The following ARHGAP15 variants were observed in gnomAD, a reference collection of about 807,000 sequenced individuals.
The protein encoded by ARHGAP15 is rho GTPase-activating protein 15.
A neutral mutation model predicts 63.7 loss-of-function variants in ARHGAP15; 51 were observed. The ratio of observed to expected loss-of-function variants is 0.80; its 90% CI spans 0.64 to 1.01. ARHGAP15 has a LOEUF of 1.01. ARHGAP15 is among the 50% of genes least tolerant of loss of function. The pLI is 0.00. For missense variants in ARHGAP15, 560 were observed against 564.6 expected (o/e 0.99, Z 0.08); for synonymous variants, 191 against 193.8 (o/e 0.99, Z 0.12).
At chr2:143,435,563 T>C (rs747782755) in intron 6 of ARHGAP15, 38 bp from the exon 7 acceptor site, 20 of 1,519,654 alleles carry the variant, frequency 1.3e-5, no homozygotes, top group Non-Finnish European at 1.7e-5. Flanking sequence ...ATAGTTTCTT[T>C]ACCTGTCTAT....
intron 11 of ARHGAP15, among the ~76,000 whole-genome samples, chr2:143,584,265 G>C (rs1697020258): frequency 1.3e-5 from 2 of 152,170 alleles, no homozygotes; most frequent in Non-Finnish European, 1.5e-5. Context: ...CATTCTGGCA[G>C]ACTTAAAACT....
intron 6 of ARHGAP15, among the ~76,000 whole-genome samples, chr2:143,339,461 GT>G (rs1329914763): frequency 6.6e-6 from 1 of 152,130 alleles, no homozygotes; most frequent in African/African-American, 2.4e-5. Context: ...GGAAGAGTGG[GT>G]AATACTTCTC....
chr2:143,435,803 G>A, intron 7 of ARHGAP15, 104 bp downstream of exon 7: 1 of 1,130,778 alleles, frequency 8.8e-7, no homozygotes, highest in East Asian at 3.0e-5. Flanking sequence ...AGATCCTATG[G>A]ACTGAGAGGG....
At chr2:143,568,253 A>C (rs1453752029) in intron 11 of ARHGAP15, among the ~76,000 whole-genome samples, 1 of 152,148 alleles carries the variant, frequency 6.6e-6, no homozygotes, top group Non-Finnish European at 1.5e-5. Context: ...ATGGGAGAAA[A>C]TTTTTGCAAT....
At chr2:143,740,610 G>T (rs1685925094) in intron 13 of ARHGAP15, among the ~76,000 whole-genome samples, 1 of 152,198 alleles carries the variant, frequency 6.6e-6, no homozygotes, top group African/African-American at 2.4e-5. Context: ...GTCAGCGGTG[G>T]TGCTAACAAG....
chr2:143,491,529 T>C (rs918729348), intron 9 of ARHGAP15, among the ~76,000 whole-genome samples: 35 of 152,218 alleles, frequency 2.3e-4, no homozygotes, highest in Admixed American at 7.2e-4. Context: ...GAAACTGAAA[T>C]TAGTATCATA....
chr2:143,546,736 G>C (rs1695350035), intron 10 of ARHGAP15, among the ~76,000 whole-genome samples: 1 of 152,090 alleles, frequency 6.6e-6, no homozygotes, highest in Admixed American at 6.6e-5. Context: ...ATTTACATCA[G>C]CATGATCACA....
chr2:143,518,391 T>A (rs934312070), intron 9 of ARHGAP15, among the ~76,000 whole-genome samples: 1 of 152,196 alleles, frequency 6.6e-6, no homozygotes, highest in Non-Finnish European at 1.5e-5. Context: ...GATTTCACAG[T>A]GGGTATTCTC....
chr2:143,331,029 A>ATCAT (rs929581626), intron 6 of ARHGAP15, among the ~76,000 whole-genome samples: 4 of 152,114 alleles, frequency 2.6e-5, no homozygotes, highest in African/African-American at 9.7e-5. Flanking sequence ...TTGATCATAA[A>ATCAT]TCATTTATTT....
At chr2:143,555,165 T>C (rs1695733821) in intron 10 of ARHGAP15, among the ~76,000 whole-genome samples, 1 of 152,178 alleles carries the variant, frequency 6.6e-6, no homozygotes. Context: ...GATGTTATTC[T>C]ACCCTAACCT....
chr2:143,312,036 A>G (rs1683472452), intron 6 of ARHGAP15, among the ~76,000 whole-genome samples: 1 of 152,108 alleles, frequency 6.6e-6, no homozygotes, highest in Non-Finnish European at 1.5e-5. Flanking sequence ...TTAAGGGTAT[A>G]ATGTATTTTG....
chr2:143,168,045 A>C (rs1690618970), intron 2 of ARHGAP15, among the ~76,000 whole-genome samples: 1 of 152,174 alleles, frequency 6.6e-6, no homozygotes, highest in African/African-American at 2.4e-5. Flanking sequence ...GCCATAAAGC[A>C]TAAACTTAGA....
rs143530388 is a variant in ARHGAP15 at position 143,453,881 on chromosome 2, C to T, written c.703+16839C>T. Among the ~76,000 whole-genome samples the T allele has an allele frequency of 1.5e-3, 229 of 151,298 alleles. 1 individual carries two copies. Among genetic ancestry groups the T allele is most frequent in the African/African-American group, 5.0e-3 (208 of 41,266 alleles). The stretch of plus-strand genomic sequence containing the variant: ...GCTTTTCATATCAAATCTGATAGAA[C>T]ACATGCTTCAGAAGGGAGCAGAAAA... On this transcript the variant is annotated intron_variant, in intron 8 of 13. Coordinates refer to ENST00000295095, the MANE Select transcript of ARHGAP15 (RefSeq NM_018460.4).
chr2:143,400,765 A>G (rs1574395313), intron 6 of ARHGAP15, among the ~76,000 whole-genome samples: 1 of 152,084 alleles, frequency 6.6e-6, no homozygotes. Context: ...TTAAGATGAC[A>G]TATAGTAGAG....
chr2:143,275,144 A>T (rs1681480813), intron 6 of ARHGAP15, among the ~76,000 whole-genome samples: 1 of 152,044 alleles, frequency 6.6e-6, no homozygotes, highest in South Asian at 2.1e-4. Flanking sequence ...GACAACAGAG[A>T]CTCCATCTCA....
chr2:143,579,067 G>A (rs1470828168), intron 11 of ARHGAP15, among the ~76,000 whole-genome samples: 2 of 152,058 alleles, frequency 1.3e-5, no homozygotes, highest in Non-Finnish European at 2.9e-5. Flanking sequence ...TATACTGTTT[G>A]ATCAGAAATA....
intron 1 of ARHGAP15, among the ~76,000 whole-genome samples, chr2:143,135,818 G>A (rs1467494289): frequency 6.6e-6 from 1 of 152,084 alleles, no homozygotes; most frequent in African/African-American, 2.4e-5. Flanking sequence ...GGAATGTCCT[G>A]AGATCAGTCT....
intron 6 of ARHGAP15, among the ~76,000 whole-genome samples, chr2:143,298,655 A>T (rs2105143324): frequency 6.6e-6 from 1 of 152,106 alleles, no homozygotes; most frequent in South Asian, 2.1e-4. Context: ...AGATTTAATC[A>T]GAAAATATGT....
At chr2:143,365,304 T>C (rs564090050) in intron 6 of ARHGAP15, among the ~76,000 whole-genome samples, 21 of 152,304 alleles carry the variant, frequency 1.4e-4, no homozygotes, top group South Asian at 2.1e-4. Flanking sequence ...ACCTGAGCCA[T>C]CTATTAGGAC....
Sources: allele counts gnomAD v4.1 joint callset (sites outside exome capture counted in the v4.1 genomes callset), GRCh38; gene constraint gnomAD v4.1.1; transcripts MANE v1.5; gene names NCBI Gene and HGNC (gene_info 2026-07-23, HGNC 2026-07-21).